The following ITGBL1 variants were observed in gnomAD, a reference collection of about 807,000 sequenced individuals.
ITGBL1 encodes the protein integrin subunit beta like 1.
ITGBL1 carries 51 observed loss-of-function variants against 68.5 expected under a neutral mutation model. The ratio of observed to expected loss-of-function variants is 0.74; its 90% CI spans 0.59 to 0.94. The LOEUF is 0.94. ITGBL1 is among the 40% of genes least tolerant of loss of function. The probability of loss-of-function intolerance (pLI) is 0.00; values close to 1 mark genes in which losing one functional copy is unlikely to be tolerated. For synonymous variants in ITGBL1, 209 were observed against 227.3 expected (o/e 0.92, Z 0.72); for missense variants, 649 against 647.4 (o/e 1.00, Z -0.03).
intron 6 of ITGBL1, among the ~76,000 whole-genome samples, chr13:101,592,904 A>G (rs188129089): frequency 2.6e-5 from 4 of 152,130 alleles, no homozygotes; most frequent in African/African-American, 9.6e-5. Flanking sequence ...CAACAAAAAC[A>G]AATAGATAAA....
chr13:101,487,148 C>T (rs2048713030), intron 2 of ITGBL1, among the ~76,000 whole-genome samples: 1 of 152,078 alleles, frequency 6.6e-6, no homozygotes, highest in African/African-American at 2.4e-5. Context: ...CACCTATTAC[C>T]AGGCATATTA....
chr13:101,615,568 G>A (rs931766264), intron 7 of ITGBL1, among the ~76,000 whole-genome samples: 1 of 152,060 alleles, frequency 6.6e-6, no homozygotes, highest in Admixed American at 6.6e-5. Context: ...ATTAGAAGGT[G>A]GGGTCTTTGG....
intron 2 of ITGBL1, among the ~76,000 whole-genome samples, chr13:101,499,018 C>G (rs956813122): frequency 2.0e-5 from 3 of 152,098 alleles, no homozygotes; most frequent in Non-Finnish European, 4.4e-5. Flanking sequence ...GAACCTGCCC[C>G]CATGATTCAA....
intron 2 of ITGBL1, among the ~76,000 whole-genome samples, chr13:101,525,537 T>TTTA (rs35923593): frequency 0.059 from 8,839 of 148,806 alleles, 380 homozygotes; most frequent in Non-Finnish European, 0.089. Flanking sequence ...TTTTTTTTTT[T>TTTA]ATGTGGAAAA....
chr13:101,488,089 C>G (rs956033323), intron 2 of ITGBL1, among the ~76,000 whole-genome samples: 1 of 152,170 alleles, frequency 6.6e-6, no homozygotes, highest in African/African-American at 2.4e-5. Flanking sequence ...GGGATTGGGA[C>G]TTACAGTAAA....
intron 7 of ITGBL1, among the ~76,000 whole-genome samples, chr13:101,633,830 A>G (rs1351802373): frequency 6.6e-6 from 1 of 152,200 alleles, no homozygotes; most frequent in Non-Finnish European, 1.5e-5. Flanking sequence ...GTATTGGGAT[A>G]GGCTGATTAT....
intron 2 of ITGBL1, among the ~76,000 whole-genome samples, chr13:101,529,612 A>G (rs1398161152): frequency 6.6e-6 from 1 of 152,190 alleles, no homozygotes; most frequent in Non-Finnish European, 1.5e-5. Flanking sequence ...CTTGAATTGT[A>G]ATCCCCACGT....
Position 101,452,874 on chromosome 13 carries a change from C to CCAA in ITGBL1, c.42_43insAAC (p.Ser14_Ser15insAsn). On this transcript the variant is annotated inframe_insertion, in exon 1 of 11. Transcript: ENST00000376180. ...TTCAGGAACTTCTTGCTGCTGGCGT[C>CCAA]CTCCCTTCTCTTTGCTGGGTTGTCA... 1 of 1,614,200 alleles carries CCAA rather than the reference C, an allele frequency of 6.2e-7. No individual in the cohort carries two copies. Among genetic ancestry groups the CCAA allele is most frequent in the Non-Finnish European group, 8.5e-7 (1 of 1,180,036 alleles).
At chr13:101,534,752 G>A (rs183591931) in intron 2 of ITGBL1, among the ~76,000 whole-genome samples, 6 of 152,250 alleles carry the variant, frequency 3.9e-5, no homozygotes, top group South Asian at 2.1e-4. Flanking sequence ...TTTTAAGGCC[G>A]TAAAGGGCTT....
chr13:101,676,081 G>A (rs994146815), intron 7 of ITGBL1, among the ~76,000 whole-genome samples: 2 of 151,842 alleles, frequency 1.3e-5, no homozygotes, highest in African/African-American at 4.8e-5. Flanking sequence ...AGATATTTTA[G>A]TCAATGACTG....
intron 2 of ITGBL1, among the ~76,000 whole-genome samples, chr13:101,541,047 T>C (rs1161766072): frequency 1.5e-5 from 2 of 136,104 alleles, no homozygotes; most frequent in East Asian, 2.1e-4. Context: ...ACCCTTTATT[T>C]CCTTCTCCTG....
intron 7 of ITGBL1, among the ~76,000 whole-genome samples, chr13:101,653,088 CTG>C (rs765469061): frequency 1.4e-3 from 195 of 142,620 alleles, no homozygotes; most frequent in South Asian, 2.4e-3. Context: ...AAGAGTGAAA[CTG>C]AGAAAGAAAC....
chr13:101,623,401 T>C (rs568603955), intron 7 of ITGBL1, among the ~76,000 whole-genome samples: 5 of 152,308 alleles, frequency 3.3e-5, no homozygotes, highest in African/African-American at 1.2e-4. Context: ...TATCTTTGTG[T>C]ACTGAAATTA....
At chr13:101,514,663 A>G (rs192485170) in intron 2 of ITGBL1, among the ~76,000 whole-genome samples, 73 of 152,224 alleles carry the variant, frequency 4.8e-4, no homozygotes, top group African/African-American at 1.7e-3. Flanking sequence ...TGTTGTCAAC[A>G]TCACATCTAT....
At chr13:101,598,456 T>C (rs966404404) in intron 7 of ITGBL1, among the ~76,000 whole-genome samples, 157 bp downstream of exon 7, 1 of 152,132 alleles carries the variant, frequency 6.6e-6, no homozygotes, top group Non-Finnish European at 1.5e-5. Context: ...TTATTATATT[T>C]TAAGTTTTAG....
intron 3 of ITGBL1, among the ~76,000 whole-genome samples, chr13:101,571,592 T>C (rs2050273299): frequency 6.6e-6 from 1 of 152,152 alleles, no homozygotes; most frequent in Non-Finnish European, 1.5e-5. Context: ...CATCCCTCTC[T>C]TCCTCAAACC....
chr13:101,666,856 G>A (rs909791897), intron 7 of ITGBL1, among the ~76,000 whole-genome samples: 36 of 152,092 alleles, frequency 2.4e-4, no homozygotes, highest in Non-Finnish European at 4.4e-5. Flanking sequence ...GTCACCTTCA[G>A]GAACCCAGTC....
intron 7 of ITGBL1, among the ~76,000 whole-genome samples, chr13:101,602,177 T>C (rs991936611): frequency 2.6e-5 from 4 of 152,108 alleles, no homozygotes; most frequent in Non-Finnish European, 5.9e-5. Flanking sequence ...CATCTAATTG[T>C]CCACTGACAT....
At chr13:101,694,811 T>G (rs1295383111) in intron 8 of ITGBL1, among the ~76,000 whole-genome samples, 1 of 152,222 alleles carries the variant, frequency 6.6e-6, no homozygotes, top group Non-Finnish European at 1.5e-5. Flanking sequence ...CAATGTCTCT[T>G]GAAATGATTG....
Sources: gnomAD v4.1 joint callset for allele counts (sites outside exome capture counted in the v4.1 genomes callset) on GRCh38, gnomAD v4.1.1 for gene constraint, MANE v1.5 for transcripts, NCBI Gene and HGNC (gene_info 2026-07-23, HGNC 2026-07-21) for gene names.